The following SMARCD3 variants were observed in gnomAD, a reference collection of about 807,000 sequenced individuals.
SMARCD3 encodes the protein SWI/SNF-related matrix-associated actin-dependent regulator of chromatin subfamily D member 3.
In SMARCD3, 14 loss-of-function variants were observed where a neutral mutation model predicts 58.0. The ratio of observed to expected loss-of-function variants is 0.24; its 90% CI spans 0.16 to 0.38. The LOEUF (loss-of-function observed/expected upper bound fraction) is 0.38. Among genes scored for constraint, SMARCD3 ranks in the 10% least tolerant of loss-of-function variants. The probability of loss-of-function intolerance (pLI) is 1.00; values close to 1 mark genes in which losing one functional copy is unlikely to be tolerated. For missense variants in SMARCD3, 408 were observed against 636.9 expected (o/e 0.64, Z 3.87); for synonymous variants, 253 against 253.8 (o/e 1.00, Z 0.03).
Position 151,255,943 on chromosome 7 carries a change from C to T in SMARCD3, c.40-10272G>A, listed in dbSNP as rs185221861. On this transcript the variant is annotated intron_variant, in intron 2 of 13. Transcript: ENST00000356800. The stretch of plus-strand genomic sequence containing the variant: ...TCACTCAGGCTGGAGTGCAGTGGCG[C>T]GATCTCGGCTCACTGCAACCTCCGC... Among the ~76,000 whole-genome samples the T allele has an allele frequency of 5.1e-3, 778 of 151,646 alleles. 9 individuals carry two copies. Among genetic ancestry groups the T allele is most frequent in the African/African-American group, 0.018 (732 of 41,324 alleles).
intron 2 of SMARCD3, among the ~76,000 whole-genome samples, chr7:151,272,822 C>A (rs1306038468): frequency 6.6e-6 from 1 of 152,170 alleles, no homozygotes; most frequent in Non-Finnish European, 1.5e-5. Context: ...AGCCAAGTAC[C>A]CGTCAGAGGC....
intron 2 of SMARCD3, among the ~76,000 whole-genome samples, chr7:151,267,241 C>A: frequency 6.6e-6 from 1 of 152,170 alleles, no homozygotes; most frequent in Admixed American, 6.5e-5. Flanking sequence ...CATGCATTAT[C>A]CAATTTGGTT....
At chr7:151,275,853 G>A (rs1250302216) in intron 1 of SMARCD3, among the ~76,000 whole-genome samples, 1 of 152,182 alleles carries the variant, frequency 6.6e-6, no homozygotes, top group African/African-American at 2.4e-5. Flanking sequence ...AAGTCCCTGA[G>A]CAGACGGTGG....
chr7:151,269,616 G>T (rs1357156505), intron 2 of SMARCD3, among the ~76,000 whole-genome samples: 1 of 152,172 alleles, frequency 6.6e-6, no homozygotes, highest in Non-Finnish European at 1.5e-5. Flanking sequence ...GCGTGTCTGG[G>T]TGGTGGCCAG....
In SMARCD3 at chr7:151,240,222, T is replaced by A; in HGVS notation, c.1063A>T (p.Thr355Ser). 1 of 1,614,068 alleles carries A rather than the reference T, an allele frequency of 6.2e-7. No homozygotes were observed. Among genetic ancestry groups the A allele is most frequent in the South Asian group, 1.1e-5 (1 of 91,080 alleles). ...ISVDPSDQKK[T>S]ACYDIDVEVE... is the part of the protein sequence containing the mutation. Reference sequence around the variant, plus strand: ...TCCACGTCAATGTCATAGCACGCCGTCTTCTTCTGGTCTGAAGGGTCCACG... The same window carrying A: ...TCCACGTCAATGTCATAGCACGCCGACTTCTTCTGGTCTGAAGGGTCCACG... The change falls in exon 10 of 13, where the codon ACG becomes TCG. Residue 355 changes from threonine to serine, a missense_variant. Coordinates refer to ENST00000262188, the MANE Select transcript of SMARCD3 (RefSeq NM_001003801.2).
intron 2 of SMARCD3, among the ~76,000 whole-genome samples, chr7:151,253,864 C>T (rs1253445985): frequency 6.7e-6 from 1 of 149,836 alleles, no homozygotes; most frequent in East Asian, 2.0e-4. Context: ...GTCCAGGGAC[C>T]CTGAATTGGG....
Position 151,258,079 on chromosome 7 carries a change from C to T in SMARCD3, c.40-12408G>A, listed in dbSNP as rs909108390. The stretch of plus-strand genomic sequence containing the variant: ...CTGCCCAGGCCCACACCTTGGAACA[C>T]CCTGGACCCCTGCCTTTCCCTCACA... On this transcript the variant is annotated intron_variant, in intron 2 of 13. Coordinates refer to the SMARCD3 transcript ENST00000356800. 7.9e-5 allele frequency among the ~76,000 whole-genome samples: 12 copies of T among 152,256 alleles called. No individual in the cohort carries two copies. In the South Asian group the frequency reaches 2.5e-3, roughly 32 times the overall value.
upstream of SMARCD3, among the ~76,000 whole-genome samples, chr7:151,252,402 A>T (rs1477085101): frequency 2.7e-5 from 4 of 150,374 alleles, no homozygotes; most frequent in Non-Finnish European, 5.9e-5. Context: ...GATCACCCTC[A>T]CTGGGGCGGC....
Position 151,239,429 on chromosome 7 carries a change from G to T in SMARCD3, c.1365C>A (p.Ser455=). Residue 455 remains serine (S), a synonymous_variant, in exon 12 of 13, where the codon TCC becomes TCA. Transcript: ENST00000262188. The surrounding 1 kb of genome is among the most constrained non-coding windows in gnomAD (Gnocchi z 7.0). ...AGAAGTAGCGACTGACGGCCTCCTG[G>T]GACCAGGGCTGGTGGTAGAACTCAG... The part of the protein sequence containing the change: ...RRAEFYHQPW[S]QEAVSRYFYC... 6.2e-7 allele frequency: 1 copy of T among 1,613,802 alleles called. No homozygotes were observed. The highest frequency in any genetic ancestry group is 8.5e-7 in the Non-Finnish European group (1 of 1,179,962).
At chr7:151,249,250 C>T (rs1183429368), upstream of SMARCD3, 2 of 152,044 alleles carry the variant, frequency 1.3e-5, no homozygotes, top group African/African-American at 2.4e-5. This position sits in a 1 kb window ranked among gnomAD's most constrained non-coding sequence, Gnocchi z 4.8. Context: ...TGGGTGTGCC[C>T]GGGCGGCGGC....
chr7:151,269,579 G>A (rs555141315), intron 2 of SMARCD3, among the ~76,000 whole-genome samples: 1 of 152,344 alleles, frequency 6.6e-6, no homozygotes, highest in Admixed American at 6.5e-5. Context: ...GGGGCTGACA[G>A]ATATGGAACA....
intron 1 of SMARCD3, among the ~76,000 whole-genome samples, chr7:151,275,504 A>T (rs1462195034): frequency 6.6e-6 from 1 of 152,182 alleles, no homozygotes; most frequent in Non-Finnish European, 1.5e-5. Flanking sequence ...AAAGAACTTG[A>T]AAGACAGAGC....
chr7:151,251,509 G>A (rs918040065), upstream of SMARCD3, among the ~76,000 whole-genome samples: 1 of 152,198 alleles, frequency 6.6e-6, no homozygotes, highest in Admixed American at 6.5e-5. Flanking sequence ...AAGCTGGGGC[G>A]GCGCCAGTGT....
chr7:151,254,800 C>T (rs543489336), intron 2 of SMARCD3, among the ~76,000 whole-genome samples: 3 of 152,182 alleles, frequency 2.0e-5, no homozygotes, highest in Non-Finnish European at 4.4e-5. Context: ...GAGGCAGGAA[C>T]GGGCCTCAGC....
chr7:151,252,484 G>GAGAA (rs548327032), upstream of SMARCD3, among the ~76,000 whole-genome samples: 2 of 152,086 alleles, frequency 1.3e-5, no homozygotes, highest in Admixed American at 6.5e-5. Flanking sequence ...GAGGGAGAGA[G>GAGAA]AGAAAGAAAG....
At position 151,239,480 on chromosome 7, in the gene SMARCD3, G is replaced by A. The variant is rs376168284; in HGVS notation, c.1314C>T (p.Ala438=). Residue 438 remains alanine, a synonymous_variant, in exon 12 of 13, where the codon GCC becomes GCT. Coordinates refer to ENST00000262188, the MANE Select transcript of SMARCD3 (RefSeq NM_001003801.2). The surrounding 1 kb of genome is among the most constrained non-coding windows in gnomAD (Gnocchi z 7.0). ...CCCGGCGCTCCTCTTCAGGGTTGCCGGCTACATCTGTCATCACCTGGGAGG... is the reference window on the plus strand; with the variant it reads ...CCCGGCGCTCCTCTTCAGGGTTGCCAGCTACATCTGTCATCACCTGGGAGG... ...SRDLKVMTDV[A]GNPEEERRAE... The A allele has an allele frequency of 3.0e-5, 49 of 1,613,674 alleles. No individual in the cohort carries two copies. The East Asian group carries it at 4.9e-4, about 16-fold the overall frequency.
chr7:151,239,601 A>G lies in SMARCD3; in HGVS notation c.1296+23T>C, dbSNP rs764168192. 1 of 1,613,582 alleles carries G rather than the reference A, an allele frequency of 6.2e-7. No individual in the cohort carries two copies. The highest frequency in any genetic ancestry group is 8.5e-7 in the Non-Finnish European group (1 of 1,179,912). ...CGCTGTGCTTGTCTTCCACTCCAGT[A>G]CTCCCTGAGTCTCCCTCTTCACCTT... On this transcript the variant is annotated intron_variant, in intron 11 of 12. Coordinates refer to ENST00000262188, the MANE Select transcript of SMARCD3 (RefSeq NM_001003801.2). This position sits in a 1 kb window ranked among gnomAD's most constrained non-coding sequence, Gnocchi z 7.0.
intron 2 of SMARCD3, among the ~76,000 whole-genome samples, chr7:151,263,986 C>G (rs1324632097): frequency 6.6e-6 from 1 of 152,140 alleles, no homozygotes; most frequent in Non-Finnish European, 1.5e-5. Context: ...ACCTCAGGAC[C>G]TCTGCACCTG....
At position 151,242,999 on chromosome 7, in the gene SMARCD3, C is replaced by T. The variant is rs145068548; in HGVS notation, c.334-156G>A. The stretch of plus-strand genomic sequence containing the variant: ...TTGACAGTGGGAACAGGACCTCTCC[C>T]CAGGATGCCATTATCCAGCAGTAGG... On this transcript the variant is annotated intron_variant, in intron 3 of 12. Coordinates refer to ENST00000262188, the MANE Select transcript of SMARCD3 (RefSeq NM_001003801.2). This position sits in a 1 kb window ranked among gnomAD's most constrained non-coding sequence, Gnocchi z 4.7. Among the ~76,000 whole-genome samples, 1 of 152,208 alleles carries T rather than the reference C, an allele frequency of 6.6e-6. No individual in the cohort carries two copies. The highest frequency in any genetic ancestry group is 1.5e-5 in the Non-Finnish European group (1 of 67,978).
Sources: gnomAD v4.1 joint callset for allele counts (sites outside exome capture counted in the v4.1 genomes callset) on GRCh38, gnomAD v4.1.1 for gene constraint, Gnocchi (gnomAD v3.1) non-coding constraint, MANE v1.5 for transcripts, NCBI Gene and HGNC (gene_info 2026-07-23, HGNC 2026-07-21) for gene names.